Variants in GUCY2C observed in about 807,000 individuals in gnomAD.
The protein encoded by GUCY2C is guanylate cyclase 2C, also known as guanylyl cyclase C.
A neutral mutation model predicts 131.1 loss-of-function variants in GUCY2C; 118 were observed. The observed-to-expected ratio is 0.90, with a 90% CI of 0.78 to 1.05. The LOEUF is 1.05. GUCY2C is among the 50% of genes least tolerant of loss of function. GUCY2C has a pLI of 0.00. For synonymous variants in GUCY2C, 452 were observed against 457.8 expected, an observed-to-expected ratio of 0.99 and a Z score of 0.16; for missense variants, 1,161 against 1,304.4, an observed-to-expected ratio of 0.89 and a Z score of 1.69.
At chr12:14,660,316 T>C (rs1947843504) in intron 11 of GUCY2C, among the ~76,000 whole-genome samples, 1 of 152,228 alleles carries the variant, frequency 6.6e-6, no homozygotes, top group Admixed American at 6.5e-5. Context: ...CATTTATGTA[T>C]TCAATAAATA....
intron 24 of GUCY2C, among the ~76,000 whole-genome samples, chr12:14,616,958 G>A (rs540779905): frequency 6.6e-6 from 1 of 152,302 alleles, no homozygotes; most frequent in African/African-American, 2.4e-5. Flanking sequence ...CCCCAGTGCT[G>A]GAGTCCTGGC....
intron 15 of GUCY2C, among the ~76,000 whole-genome samples, chr12:14,647,556 A>C (rs1054350862): frequency 5.3e-5 from 8 of 152,116 alleles, no homozygotes; most frequent in Non-Finnish European, 1.0e-4. Context: ...CAAAAGTTTA[A>C]CACTGACTGG....
chr12:14,687,511 C>T (rs1948493967), intron 2 of GUCY2C, among the ~76,000 whole-genome samples: 1 of 152,040 alleles, frequency 6.6e-6, no homozygotes. Context: ...GTCCCAGCTA[C>T]TTGGGAGGCT....
chr12:14,620,934 A>T, intron 23 of GUCY2C, 108 bp downstream of exon 23: 1 of 858,322 alleles, frequency 1.2e-6, no homozygotes, highest in Non-Finnish European at 1.8e-6. Context: ...ATTAAGAGTA[A>T]AAATTATGTG....
At chr12:14,633,606 A>G (rs1324365629) in intron 19 of GUCY2C, among the ~76,000 whole-genome samples, 1 of 152,058 alleles carries the variant, frequency 6.6e-6, no homozygotes, top group Non-Finnish European at 1.5e-5. Flanking sequence ...AATAATTAAA[A>G]ATAATATTAA....
intron 1 of GUCY2C, among the ~76,000 whole-genome samples, chr12:14,690,508 G>A (rs1247376645): frequency 6.6e-6 from 1 of 152,126 alleles, no homozygotes; most frequent in African/African-American, 2.4e-5. Context: ...CAGGACAAAT[G>A]TCTGATTCCT....
At chr12:14,640,824 G>A (rs1032041144) in intron 18 of GUCY2C, among the ~76,000 whole-genome samples, 1 of 152,178 alleles carries the variant, frequency 6.6e-6, no homozygotes, top group Non-Finnish European at 1.5e-5. Flanking sequence ...AAGGAAAGAG[G>A]ACAATTGTAA....
chr12:14,673,910 G>A (rs977099715), intron 8 of GUCY2C, among the ~76,000 whole-genome samples: 7 of 152,112 alleles, frequency 4.6e-5, no homozygotes, highest in Non-Finnish European at 8.8e-5. Context: ...CATAGCCCCT[G>A]GTGCAGCCCT....
intron 24 of GUCY2C, among the ~76,000 whole-genome samples, chr12:14,617,120 T>C (rs1408305707): frequency 6.6e-6 from 1 of 152,162 alleles, no homozygotes; most frequent in Non-Finnish European, 1.5e-5. Flanking sequence ...CTGTATGAAG[T>C]GCCTGCTCCT....
intron 3 of GUCY2C, among the ~76,000 whole-genome samples, chr12:14,684,491 A>G (rs1948417818): frequency 6.7e-6 from 1 of 149,032 alleles, no homozygotes; most frequent in South Asian, 2.1e-4. Flanking sequence ...CCTTCTGTGC[A>G]CTCTATAGCT....
chr12:14,625,395 T>A (rs1465421591), intron 21 of GUCY2C, among the ~76,000 whole-genome samples: 1 of 151,396 alleles, frequency 6.6e-6, no homozygotes, highest in Non-Finnish European at 1.5e-5. Context: ...TGGCGCGATC[T>A]TGGCTCACTG....
chr12:14,695,226 T>C (rs1053980768), intron 1 of GUCY2C, among the ~76,000 whole-genome samples: 1 of 152,164 alleles, frequency 6.6e-6, no homozygotes, highest in Non-Finnish European at 1.5e-5. Flanking sequence ...GAAAACAGAC[T>C]GGAAACATCC....
chr12:14,623,646 A>G (rs1946942239), intron 21 of GUCY2C, among the ~76,000 whole-genome samples: 1 of 152,220 alleles, frequency 6.6e-6, no homozygotes, highest in African/African-American at 2.4e-5. Flanking sequence ...CCCAAATCTC[A>G]TGCTGAATTG....
At chr12:14,662,675 C>CAAAA (rs35153087) in intron 10 of GUCY2C, among the ~76,000 whole-genome samples, 9 of 72,018 alleles carry the variant, frequency 1.2e-4, no homozygotes, top group East Asian at 4.7e-4. Context: ...GACTCCGTCT[C>CAAAA]AAAAAAAAAA....
At chr12:14,676,470 A>G (rs7299451) in intron 7 of GUCY2C, among the ~76,000 whole-genome samples, 150,577 of 152,328 alleles carry the variant, frequency 0.99, 74,439 homozygotes, top group Middle Eastern at 1. Context: ...GCTTTAGGAC[A>G]TAGGGAACTT....
At chr12:14,615,008 T>C in intron 25 of GUCY2C, 65 bp from the exon 26 acceptor site, 1 of 763,866 alleles carries the variant, frequency 1.3e-6, no homozygotes, top group Non-Finnish European at 2.1e-6. Context: ...AGACCACTGT[T>C]TCCATAATGA....
intron 6 of GUCY2C, among the ~76,000 whole-genome samples, chr12:14,677,482 A>G (rs1246677728): frequency 3.9e-5 from 6 of 152,208 alleles, no homozygotes; most frequent in Non-Finnish European, 5.9e-5. Flanking sequence ...ACTCCTAGAC[A>G]ATGCCTGGCA....
At chr12:14,636,553 G>A (rs577517193) in intron 19 of GUCY2C, among the ~76,000 whole-genome samples, 1 of 152,248 alleles carries the variant, frequency 6.6e-6, no homozygotes, top group East Asian at 1.9e-4. Flanking sequence ...AGGAAAAGCT[G>A]AAAGCTTTCC....
At chr12:14,678,209 G>C (rs1280645929) in intron 6 of GUCY2C, among the ~76,000 whole-genome samples, 1 of 152,150 alleles carries the variant, frequency 6.6e-6, no homozygotes, top group Non-Finnish European at 1.5e-5. Context: ...CCCTTATGAA[G>C]AGGACATTTT....
Sources: allele counts gnomAD v4.1 joint callset (sites outside exome capture counted in the v4.1 genomes callset), GRCh38; gene constraint gnomAD v4.1.1; transcripts MANE v1.5; gene names NCBI Gene and HGNC (gene_info 2026-07-23, HGNC 2026-07-21).